Variants in DPP10 observed in about 807,000 individuals in gnomAD.
The protein encoded by DPP10 is dipeptidyl peptidase like 10.
Under a neutral mutation model 120.9 loss-of-function variants are expected in DPP10, and 33 were observed. That is an observed-to-expected ratio of 0.27 (90% confidence interval 0.21 to 0.37). The LOEUF (loss-of-function observed/expected upper bound fraction) is 0.37. DPP10 is among the 10% of genes least tolerant of loss of function. DPP10 has a pLI of 1.00. For missense variants in DPP10, 816 were observed against 942.8 expected (o/e 0.87, Z 1.76); for synonymous variants, 337 against 326.1 (o/e 1.03, Z -0.36).
intron 4 of DPP10, among the ~76,000 whole-genome samples, chr2:115,503,424 G>A (rs1456263366): frequency 6.6e-6 from 1 of 152,086 alleles, no homozygotes; most frequent in African/African-American, 2.4e-5. Context: ...TTCAGTTTGT[G>A]TTTGAGTAAA....
At chr2:115,704,910 T>C (rs1409648175) in intron 7 of DPP10, among the ~76,000 whole-genome samples, 1 of 151,978 alleles carries the variant, frequency 6.6e-6, no homozygotes, top group African/African-American at 2.4e-5. Flanking sequence ...TAAAGGTTTC[T>C]TTTTCTTTTT....
At chr2:115,577,519 T>C (rs896260301) in intron 5 of DPP10, among the ~76,000 whole-genome samples, 1 of 152,200 alleles carries the variant, frequency 6.6e-6, no homozygotes, top group Admixed American at 6.5e-5. Context: ...TTTGAAGTAT[T>C]ATAAAATGTT....
At chr2:114,665,059 G>T (rs1697815885) in intron 1 of DPP10, among the ~76,000 whole-genome samples, 1 of 152,150 alleles carries the variant, frequency 6.6e-6, no homozygotes, top group Admixed American at 6.5e-5. Context: ...GTTGCTGAGG[G>T]GACTCTGGAG....
intron 5 of DPP10, among the ~76,000 whole-genome samples, chr2:115,666,168 C>A (rs1295654345): frequency 6.6e-6 from 1 of 152,018 alleles, no homozygotes; most frequent in Non-Finnish European, 1.5e-5. Flanking sequence ...TACATTAGTT[C>A]ATTTAGGATT....
chr2:115,506,915 TTG>T (rs2076973788), intron 4 of DPP10, among the ~76,000 whole-genome samples: 1 of 152,114 alleles, frequency 6.6e-6, no homozygotes, highest in African/African-American at 2.4e-5. Context: ...ATTTTAAATA[TTG>T]TGATGACTAT....
chr2:114,594,871 T>A (rs1195364824), intron 1 of DPP10, among the ~76,000 whole-genome samples: 1 of 152,044 alleles, frequency 6.6e-6, no homozygotes, highest in African/African-American at 2.4e-5. Context: ...CTTTCCTGTC[T>A]CTGTGGTGCT....
At chr2:115,370,269 A>G (rs1279432277) in intron 3 of DPP10, among the ~76,000 whole-genome samples, 1 of 152,108 alleles carries the variant, frequency 6.6e-6, no homozygotes, top group Non-Finnish European at 1.5e-5. Flanking sequence ...TTTGAAATCC[A>G]TATTTACTTA....
intron 1 of DPP10, among the ~76,000 whole-genome samples, chr2:115,028,751 C>T (rs996083763): frequency 6.6e-6 from 1 of 152,056 alleles, no homozygotes; most frequent in Non-Finnish European, 1.5e-5. Context: ...GTGTGGGGTG[C>T]ATAGATGTCT....
intron 1 of DPP10, among the ~76,000 whole-genome samples, chr2:114,691,034 C>T (rs999630075): frequency 4.6e-5 from 7 of 152,032 alleles, no homozygotes; most frequent in African/African-American, 1.7e-4. Flanking sequence ...CTGACTTCCT[C>T]TCTTCCTATC....
intron 10 of DPP10, among the ~76,000 whole-genome samples, chr2:115,751,800 G>T (rs905396058): frequency 2.1e-4 from 20 of 94,450 alleles, no homozygotes; most frequent in South Asian, 1.1e-3. Flanking sequence ...TTTTTTTTTT[G>T]TTGTTTTTTT....
chr2:115,776,507 T>C (rs1485372826), intron 13 of DPP10, among the ~76,000 whole-genome samples: 1 of 152,142 alleles, frequency 6.6e-6, no homozygotes, highest in Non-Finnish European at 1.5e-5. Context: ...CTTTATCCAG[T>C]CTATCATTGA....
intron 3 of DPP10, among the ~76,000 whole-genome samples, chr2:115,420,557 C>T (rs2069847319): frequency 1.3e-5 from 2 of 152,124 alleles, no homozygotes; most frequent in South Asian, 4.1e-4. Flanking sequence ...CATCATGTTG[C>T]TCGGGCACAA....
At chr2:114,957,701 C>T (rs1698316754) in intron 1 of DPP10, among the ~76,000 whole-genome samples, 1 of 152,120 alleles carries the variant, frequency 6.6e-6, no homozygotes, top group Non-Finnish European at 1.5e-5. Context: ...CCTAAGTGTA[C>T]ATCGAAGAAT....
At chr2:114,896,322 G>C (rs1455584687) in intron 1 of DPP10, among the ~76,000 whole-genome samples, 1 of 152,134 alleles carries the variant, frequency 6.6e-6, no homozygotes. Flanking sequence ...AATTACATTG[G>C]GAAGTATGGC....
chr2:115,707,088 G>A (rs2092141214), intron 7 of DPP10, among the ~76,000 whole-genome samples: 1 of 151,922 alleles, frequency 6.6e-6, no homozygotes, highest in African/African-American at 2.4e-5. Context: ...GAAAAGGATT[G>A]AAAGCAAATA....
intron 3 of DPP10, among the ~76,000 whole-genome samples, chr2:115,357,329 C>T (rs2064457272): frequency 6.6e-6 from 1 of 152,216 alleles, no homozygotes; most frequent in South Asian, 2.1e-4. Context: ...TATACCCATT[C>T]CAAATGAGAG....
intron 3 of DPP10, among the ~76,000 whole-genome samples, chr2:115,415,529 AG>A (rs1394915813): frequency 6.6e-6 from 1 of 152,112 alleles, no homozygotes; most frequent in African/African-American, 2.4e-5. Flanking sequence ...AGGTCCATTA[AG>A]GGCTCAATGC....
chr2:115,553,637 A>G (rs1312000334), intron 5 of DPP10, among the ~76,000 whole-genome samples: 1 of 152,042 alleles, frequency 6.6e-6, no homozygotes, highest in Non-Finnish European at 1.5e-5. Context: ...ATTAGTGAGT[A>G]AACTGAAGCT....
At chr2:114,530,880 T>C (rs1297195968) in intron 1 of DPP10, among the ~76,000 whole-genome samples, 1 of 152,146 alleles carries the variant, frequency 6.6e-6, no homozygotes, top group Non-Finnish European at 1.5e-5. Flanking sequence ...TGAGAACTTC[T>C]AGGGAATCTA....
Sources: gnomAD v4.1 joint callset for allele counts (sites outside exome capture counted in the v4.1 genomes callset) on GRCh38, gnomAD v4.1.1 for gene constraint, MANE v1.5 for transcripts, NCBI Gene and HGNC (gene_info 2026-07-23, HGNC 2026-07-21) for gene names.